COL6A5: variants seen among roughly 807,000 people sequenced by gnomAD.
COL6A5 encodes collagen type VI alpha 5 chain, also known as collagen alpha-5(VI) chain.
In COL6A5, 48 loss-of-function variants were observed where a neutral mutation model predicts 65.6. The ratio of observed to expected loss-of-function variants is 0.73; its 90% CI spans 0.58 to 0.93. The LOEUF is 0.93. COL6A5 is among the 40% of genes least tolerant of loss of function. The probability of loss-of-function intolerance (pLI) is 0.00; values close to 1 mark genes in which losing one functional copy is unlikely to be tolerated. For synonymous variants in COL6A5, 291 were observed against 322.8 expected (o/e 0.90, Z 1.05); for missense variants, 914 against 928.3 (o/e 0.98, Z 0.20).
chr3:130,455,150 CAA>C (rs62929660), intron 4 of COL6A5, among the ~76,000 whole-genome samples: 4 of 130,196 alleles, frequency 3.1e-5, no homozygotes, highest in Admixed American at 7.6e-5. Flanking sequence ...GACCCTGTCT[CAA>C]AAAAAAAAAA....
At chr3:130,368,544 A>T (rs200034326) in intron 1 of COL6A5, among the ~76,000 whole-genome samples, 3 of 150,526 alleles carry the variant, frequency 2.0e-5, no homozygotes, top group Admixed American at 6.6e-5. Context: ...TGTGTGTGAG[A>T]GAGTGTGTGT....
intron 1 of COL6A5, among the ~76,000 whole-genome samples, chr3:130,353,558 A>G (rs1934798984): frequency 6.6e-6 from 1 of 152,186 alleles, no homozygotes; most frequent in African/African-American, 2.4e-5. Context: ...GCAGCTAGAT[A>G]TATGTAAATC....
At position 130,414,141 on chromosome 3, in the gene COL6A5, A is replaced by C. The variant is rs1239139264; in HGVS notation, c.4761+10A>C. 10 of 1,538,862 alleles carry C rather than the reference A, an allele frequency of 6.5e-6. No homozygotes were observed. ...ATTACAAGGCCCACAGGTGTGTTGG[A>C]ATATTTTGTAAATATTGATAAATGC... On this transcript the variant is annotated intron_variant and NMD_transcript_variant, in intron 22 of 41. Coordinates refer to the COL6A5 transcript ENST00000312481.
In COL6A5 at chr3:130,418,447, T is replaced by C. The variant is rs573736548; in HGVS notation, c.4888-422T>C. 4.3e-4 allele frequency among the ~76,000 whole-genome samples: 65 copies of C among 152,246 alleles called. 1 individual carries two copies. In the South Asian group the frequency reaches 0.011, roughly 25 times the overall value. On this transcript the variant is annotated intron_variant and NMD_transcript_variant, in intron 24 of 41. Coordinates refer to the COL6A5 transcript ENST00000312481. ...TAGACTCCCCTTCTGTTTGCTTCCA[T>C]AGCACCCTGAACCTTATCTCACAAT...
At chr3:130,392,306 C>T (rs1380541875) in intron 7 of COL6A5, among the ~76,000 whole-genome samples, 3 of 152,052 alleles carry the variant, frequency 2.0e-5, no homozygotes, top group Non-Finnish European at 4.4e-5. Flanking sequence ...GAGAGTTGAA[C>T]GTAGGGTAAT....
At chr3:130,365,312 C>A (rs1935292933) in intron 1 of COL6A5, among the ~76,000 whole-genome samples, 1 of 151,592 alleles carries the variant, frequency 6.6e-6, no homozygotes, top group Non-Finnish European at 1.5e-5. Flanking sequence ...GAGTCTCACT[C>A]TGTCGCCCAG....
intron 1 of COL6A5, among the ~76,000 whole-genome samples, chr3:130,439,115 C>A (rs1325676283): frequency 6.6e-6 from 1 of 152,052 alleles, no homozygotes; most frequent in Non-Finnish European, 1.5e-5. Flanking sequence ...TCTGCAGGGC[C>A]CAACTTCAAA....
At chr3:130,351,086 G>A (rs745485453) in intron 1 of COL6A5, among the ~76,000 whole-genome samples, 106 of 152,304 alleles carry the variant, frequency 7.0e-4, no homozygotes, top group Admixed American at 1.7e-3. Context: ...TTAATAAATG[G>A]TGCTGGGAAA....
chr3:130,446,928 CA>C (rs1441765243), intron 4 of COL6A5, among the ~76,000 whole-genome samples: 3 of 151,992 alleles, frequency 2.0e-5, no homozygotes, highest in African/African-American at 7.2e-5. Flanking sequence ...TTAGAGTAAA[CA>C]ATGCCAAATG....
chr3:130,346,977 A>G (rs980821569), intron 1 of COL6A5, among the ~76,000 whole-genome samples: 1 of 152,240 alleles, frequency 6.6e-6, no homozygotes, highest in Non-Finnish European at 1.5e-5. Flanking sequence ...GAATTAAAGT[A>G]GAGAAGATAA....
Position 130,422,719 on chromosome 3 carries a change from G to T in COL6A5, c.5038-1G>T, listed in dbSNP as rs1315083306. 2.0e-6 allele frequency: 3 copies of T among 1,525,122 alleles called. No homozygotes were observed. The highest frequency in any genetic ancestry group is 2.7e-6 in the Non-Finnish European group (3 of 1,129,808). The allele number at this position is 1,525,122 out of a possible 1,614,324, so 94.5% of individuals were successfully genotyped here. ...TTGACTTTTTATATCTGAATCTTCAGGGTGATATTGGTAATCCTGGAATTC... is the reference window on the plus strand; with the variant it reads ...TTGACTTTTTATATCTGAATCTTCATGGTGATATTGGTAATCCTGGAATTC... On this transcript the variant is annotated splice_acceptor_variant and NMD_transcript_variant, in intron 27 of 41. Coordinates refer to the COL6A5 transcript ENST00000312481.
chr3:130,381,809 C>T (rs985073458), intron 4 of COL6A5, among the ~76,000 whole-genome samples: 7 of 152,084 alleles, frequency 4.6e-5, no homozygotes, highest in Non-Finnish European at 1.0e-4. Flanking sequence ...AATACTGTTA[C>T]TACACCATAG....
chr3:130,468,824 C>T (rs771698415), exon 6 of COL6A5: 4 of 1,610,118 alleles, frequency 2.5e-6, no homozygotes, highest in Middle Eastern at 3.3e-4. Flanking sequence ...AAAAGAAGAA[C>T]CAGATCATAC....
intron 3 of COL6A5, 25 bp downstream of exon 3, chr3:130,376,861 G>A (rs1559866194): frequency 6.3e-7 from 1 of 1,579,332 alleles, no homozygotes; most frequent in Non-Finnish European, 8.6e-7. Context: ...GGTTGAAGAG[G>A]TGCCTGATCC....
Position 130,420,419 on chromosome 3 carries a change from C to T in COL6A5, c.4951-734C>T, listed in dbSNP as rs150419539. 2.4e-3 allele frequency among the ~76,000 whole-genome samples: 358 copies of T among 152,080 alleles called. 2 individuals are homozygous for T. The highest frequency in any genetic ancestry group is 8.1e-3 in the African/African-American group (338 of 41,518). ...TGCATATAACATTCATTTATGTGACCGATATCTTGTTACTGGTTATTTAGC... is the reference window on the plus strand; with the variant it reads ...TGCATATAACATTCATTTATGTGACTGATATCTTGTTACTGGTTATTTAGC... On this transcript the variant is annotated intron_variant and NMD_transcript_variant, in intron 25 of 41. Transcript: ENST00000312481.
exon 25 of COL6A5, chr3:130,418,896 G>A (rs995721238): frequency 3.9e-6 from 6 of 1,550,790 alleles, no homozygotes; most frequent in Non-Finnish European, 5.2e-6. Flanking sequence ...TGGAGATCTA[G>A]GGCCAGTGGG....
intron 8 of COL6A5, 119 bp downstream of exon 8, chr3:130,395,584 A>G: frequency 2.5e-6 from 2 of 797,498 alleles, no homozygotes; most frequent in Non-Finnish European, 4.0e-6. Context: ...TAGTGAGAAT[A>G]TCTCACTTGT....
Position 130,389,140 on chromosome 3 carries a change from T to G in COL6A5, c.2416+6T>G. 7.1e-7 allele frequency: 1 copy of G among 1,411,524 alleles called. No individual in the cohort carries two copies. Among genetic ancestry groups the G allele is most frequent in the Non-Finnish European group, 9.3e-7 (1 of 1,077,628 alleles). The allele number at this position is 1,411,524 out of a possible 1,614,324, so 87.4% of individuals were successfully genotyped here. A position where few individuals can be genotyped will look rare whatever the true frequency, so the allele number is the denominator to read the frequency against. On this transcript the variant is annotated splice_donor_region_variant and intron_variant and NMD_transcript_variant, in intron 6 of 41. Coordinates refer to the COL6A5 transcript ENST00000312481. ...TCGTGTGTGTGCTCTCCATGGTAAG[T>G]GTCCCTGTTATCTGTCAGGACTAAA...
intron 7 of COL6A5, chr3:130,476,846 T>A (rs1442244665): frequency 1.5e-6 from 1 of 666,500 alleles, no homozygotes; most frequent in Admixed American, 2.0e-5. Context: ...TATATACATC[T>A]AGAAATAAAT....
Sources: allele counts gnomAD v4.1 joint callset (sites outside exome capture counted in the v4.1 genomes callset), GRCh38; gene constraint gnomAD v4.1.1; transcripts MANE v1.5; gene names NCBI Gene and HGNC (gene_info 2026-07-23, HGNC 2026-07-21).